The following PPP1R14C variants were observed in gnomAD, a reference collection of about 807,000 sequenced individuals.
PPP1R14C encodes the protein protein phosphatase 1 regulatory inhibitor subunit 14C, also known as protein phosphatase 1 regulatory subunit 14C.
PPP1R14C carries 16 observed loss-of-function variants against 20.4 expected under a neutral mutation model. That is an observed-to-expected ratio of 0.78 (90% confidence interval 0.53 to 1.19). The LOEUF (loss-of-function observed/expected upper bound fraction) is 1.19, where lower values mean the gene tolerates loss of function less well. PPP1R14C is among the 50% of genes most tolerant of loss of function. The pLI is 0.00. For missense variants in PPP1R14C, 211 were observed against 220.1 expected, an observed-to-expected ratio of 0.96 and a Z score of 0.26; for synonymous variants, 91 against 91.0, an observed-to-expected ratio of 1.00 and a Z score of 0.00.
At position 150,143,425 on chromosome 6, in the gene PPP1R14C, G is replaced by GT. The variant is rs1288213895; in HGVS notation, c.234dup (p.Lys79Ter). ...GGAAAAGTGACAGTGAAATACGATC[G>GT]TAAGGAGCTTCGGAAGCGGCTGGTG... On this transcript the variant is annotated frameshift_variant, in exon 1 of 4. Coordinates refer to ENST00000361131, the MANE Select transcript of PPP1R14C (RefSeq NM_030949.3). LOFTEE classifies it high-confidence loss of function. The surrounding 1 kb of genome is among the most constrained non-coding windows in gnomAD (Gnocchi z 5.6). 1 of 1,612,032 alleles carries GT rather than the reference G, an allele frequency of 6.2e-7. No individual in the cohort carries two copies. Among genetic ancestry groups the GT allele is most frequent in the Non-Finnish European group, 8.5e-7 (1 of 1,179,226 alleles).
chr6:150,189,749 T>C (rs1214260959), intron 1 of PPP1R14C, among the ~76,000 whole-genome samples: 1 of 152,216 alleles, frequency 6.6e-6, no homozygotes, highest in Admixed American at 6.5e-5. Context: ...GAAACCTTTC[T>C]TCAGACTGAT....
In PPP1R14C at chr6:150,201,780, G is replaced by A. The variant is rs1007451775; in HGVS notation, c.307-12964G>A. Reference sequence around the variant, plus strand: ...CAAAAGATGATTTAGCTTTCACTAGGGGGGCAGTGGAGGTGGTACAAAGTG... The same window carrying A: ...CAAAAGATGATTTAGCTTTCACTAGAGGGGCAGTGGAGGTGGTACAAAGTG... On this transcript the variant is annotated intron_variant, in intron 1 of 3. Coordinates refer to ENST00000361131, the MANE Select transcript of PPP1R14C (RefSeq NM_030949.3). The surrounding 1 kb of genome is among the most constrained non-coding windows in gnomAD (Gnocchi z 4.2). Among the ~76,000 whole-genome samples the A allele has an allele frequency of 2.0e-5, 3 of 152,122 alleles. No homozygotes were observed. The highest frequency in any genetic ancestry group is 4.4e-5 in the Non-Finnish European group (3 of 68,030).
chr6:150,190,800 T>C (rs115578603), intron 1 of PPP1R14C, among the ~76,000 whole-genome samples: 2,587 of 152,254 alleles, frequency 0.017, 54 homozygotes, highest in African/African-American at 0.051. Flanking sequence ...AGTCTGTCCT[T>C]CTCTACCTTG....
chr6:150,152,309 G>T (rs1777258071), intron 1 of PPP1R14C, among the ~76,000 whole-genome samples: 1 of 152,110 alleles, frequency 6.6e-6, no homozygotes, highest in Non-Finnish European at 1.5e-5. Context: ...TCCTGGGTTG[G>T]GCCTCCCGCT....
At chr6:150,240,124 G>T (rs776914762) in intron 3 of PPP1R14C, among the ~76,000 whole-genome samples, 1 of 152,092 alleles carries the variant, frequency 6.6e-6, no homozygotes, top group African/African-American at 2.4e-5. Context: ...CTTTGAAAAG[G>T]TCAATACAAT....
chr6:150,155,671 T>G (rs372721992), intron 1 of PPP1R14C, among the ~76,000 whole-genome samples: 2 of 152,222 alleles, frequency 1.3e-5, no homozygotes, highest in African/African-American at 4.8e-5. Flanking sequence ...TTGAACAGTT[T>G]ACAGGATTCT....
chr6:150,144,815 A>G (rs761445715), intron 1 of PPP1R14C, among the ~76,000 whole-genome samples: 28 of 152,256 alleles, frequency 1.8e-4, no homozygotes, highest in Non-Finnish European at 3.5e-4. Flanking sequence ...TCTTACAAAA[A>G]GCTAATTTAA....
rs1010141184 is a variant in PPP1R14C, at chr6:150,249,963, C to A, written c.*1143C>A. The A allele has an allele frequency of 6.4e-6, 1 of 156,458 alleles. No individual in the cohort carries two copies. Among genetic ancestry groups the A allele is most frequent in the Non-Finnish European group, 1.4e-5 (1 of 71,036 alleles). The allele number at this position is 156,458 out of a possible 1,614,324, so 9.7% of individuals were successfully genotyped here. A position where few individuals can be genotyped will look rare whatever the true frequency, so the allele number is the denominator to read the frequency against. On this transcript the variant is annotated 3_prime_UTR_variant, in exon 4 of 4. Coordinates refer to ENST00000361131, the MANE Select transcript of PPP1R14C (RefSeq NM_030949.3). ...GCTTGTGTTGAGGACTCTGGGTGCT[C>A]CTGGCCCTAATTGTGCACCCTGATC...
chr6:150,221,218 T>G (rs1242112153), intron 3 of PPP1R14C, among the ~76,000 whole-genome samples: 1 of 152,242 alleles, frequency 6.6e-6, no homozygotes, highest in Non-Finnish European at 1.5e-5. Context: ...TGCACTAACA[T>G]ACATTACTTT....
chr6:150,176,863 T>C (rs558524396), intron 1 of PPP1R14C, among the ~76,000 whole-genome samples: 3 of 152,174 alleles, frequency 2.0e-5, no homozygotes, highest in South Asian at 4.1e-4. Flanking sequence ...GGCAAGGAGA[T>C]GGGTTTTATA....
rs1778522302 is a variant in PPP1R14C, at chr6:150,248,638, A to G, written c.424-108A>G. On this transcript the variant is annotated intron_variant, in intron 3 of 3. Coordinates refer to ENST00000361131, the MANE Select transcript of PPP1R14C (RefSeq NM_030949.3). ...AGTGGGGGTTAACACATTCAACCAA[A>G]TTCATCAACTAAGGTTAACTGCAGT... The G allele has an allele frequency of 7.1e-6, 5 of 701,346 alleles. No homozygotes were observed. In the East Asian group the frequency reaches 1.3e-4, roughly 18 times the overall value. The allele number at this position is 701,346 out of a possible 1,614,324, so 43.4% of individuals were successfully genotyped here. A position where few individuals can be genotyped will look rare whatever the true frequency, so the allele number is the denominator to read the frequency against.
At chr6:150,204,708 C>G (rs1167153160) in intron 1 of PPP1R14C, among the ~76,000 whole-genome samples, 1 of 152,200 alleles carries the variant, frequency 6.6e-6, no homozygotes, top group Non-Finnish European at 1.5e-5. Context: ...CCAGCTCTCA[C>G]GGGTTGTCAG....
intron 3 of PPP1R14C, among the ~76,000 whole-genome samples, chr6:150,230,177 TG>T (rs560041601): frequency 1.2e-3 from 177 of 152,364 alleles, no homozygotes; most frequent in African/African-American, 4.1e-3. Context: ...ACACACCACC[TG>T]CCCATTTTCC....
chr6:150,211,482 C>T (rs952194618), intron 1 of PPP1R14C, among the ~76,000 whole-genome samples: 8 of 152,172 alleles, frequency 5.3e-5, no homozygotes, highest in Admixed American at 2.6e-4. Flanking sequence ...AATGCCCAAA[C>T]ACAACTAAGC....
chr6:150,177,999 G>A (rs181105739), intron 1 of PPP1R14C, among the ~76,000 whole-genome samples: 46 of 152,270 alleles, frequency 3.0e-4, no homozygotes, highest in Admixed American at 7.2e-4. Flanking sequence ...GTTTTACCTC[G>A]CACAAGAATG....
chr6:150,240,339 T>C (rs984272984), intron 3 of PPP1R14C, among the ~76,000 whole-genome samples: 3 of 152,142 alleles, frequency 2.0e-5, no homozygotes, highest in Admixed American at 1.3e-4. Context: ...GAACAAAGAA[T>C]TGGACAAAAC....
intron 3 of PPP1R14C, among the ~76,000 whole-genome samples, chr6:150,241,892 GA>G (rs534830652): frequency 1.3e-5 from 2 of 150,876 alleles, no homozygotes; most frequent in East Asian, 1.9e-4. Context: ...TGTCTCAAAA[GA>G]AAAAAAAAGT....
intron 1 of PPP1R14C, among the ~76,000 whole-genome samples, chr6:150,205,760 C>A (rs1380316184): frequency 6.7e-6 from 1 of 150,350 alleles, no homozygotes; most frequent in East Asian, 2.0e-4. Context: ...CCACTACACT[C>A]CATCCTGGGC....
chr6:150,243,601 T>A (rs1215279599), intron 3 of PPP1R14C, among the ~76,000 whole-genome samples: 1 of 152,212 alleles, frequency 6.6e-6, no homozygotes, highest in Non-Finnish European at 1.5e-5. Context: ...CTGTACTTTT[T>A]AAGACAATAT....
Sources: gnomAD v4.1 joint callset for allele counts (sites outside exome capture counted in the v4.1 genomes callset) on GRCh38, gnomAD v4.1.1 for gene constraint, Gnocchi (gnomAD v3.1) non-coding constraint, MANE v1.5 for transcripts, NCBI Gene and HGNC (gene_info 2026-07-23, HGNC 2026-07-21) for gene names.